The following PDE4D variants were observed in gnomAD, a reference collection of about 807,000 sequenced individuals.
PDE4D encodes 3',5'-cyclic-AMP phosphodiesterase 4D.
PDE4D carries 24 observed loss-of-function variants against 87.4 expected under a neutral mutation model. The observed-to-expected ratio is 0.27, with a 90% CI of 0.20 to 0.39. The LOEUF (loss-of-function observed/expected upper bound fraction) is 0.39, where lower values mean the gene tolerates loss of function less well. Ranked by LOEUF, PDE4D falls within the 10% of genes least tolerant of loss-of-function variation. The pLI is 1.00. For synonymous variants in PDE4D, 384 were observed against 383.2 expected, an observed-to-expected ratio of 1.00 and a Z score of -0.02; for missense variants, 714 against 1,041.0, an observed-to-expected ratio of 0.69 and a Z score of 4.32.
At chr5:59,437,862 A>C (rs1797010430) in intron 1 of PDE4D, among the ~76,000 whole-genome samples, 1 of 152,196 alleles carries the variant, frequency 6.6e-6, no homozygotes, top group African/African-American at 2.4e-5. Flanking sequence ...GAGACTGGGT[A>C]ATTTATAAAG....
intron 1 of PDE4D, among the ~76,000 whole-genome samples, chr5:59,648,876 G>T (rs576597644): frequency 6.6e-6 from 1 of 152,280 alleles, no homozygotes; most frequent in African/African-American, 2.4e-5. Context: ...TCATTACAAA[G>T]AATATTTTTC....
chr5:59,233,027 A>G (rs920039302), intron 1 of PDE4D, among the ~76,000 whole-genome samples: 1 of 152,112 alleles, frequency 6.6e-6, no homozygotes, highest in African/African-American at 2.4e-5. Flanking sequence ...AGCTACCAGG[A>G]GGAGGGGAAT....
At chr5:60,152,424 C>T (rs111410858) in intron 2 of PDE4D, among the ~76,000 whole-genome samples, 21 of 152,080 alleles carry the variant, frequency 1.4e-4, no homozygotes, top group Middle Eastern at 6.8e-3. Context: ...GAGGCTGAAG[C>T]GGGCAGATCA....
chr5:59,010,360 A>T (rs532029696), intron 6 of PDE4D, among the ~76,000 whole-genome samples: 98 of 152,172 alleles, frequency 6.4e-4, no homozygotes, highest in Non-Finnish European at 2.8e-4. Context: ...TAGGTGATAA[A>T]ATAATAGTCA....
At chr5:60,049,702 C>T (rs903832762) in intron 2 of PDE4D, among the ~76,000 whole-genome samples, 1 of 152,214 alleles carries the variant, frequency 6.6e-6, no homozygotes, top group Non-Finnish European at 1.5e-5. Flanking sequence ...AGGGACCCAT[C>T]TGAGGAGGCA....
chr5:59,848,635 A>G (rs1315420469), intron 1 of PDE4D, among the ~76,000 whole-genome samples: 2 of 152,050 alleles, frequency 1.3e-5, no homozygotes, highest in African/African-American at 4.8e-5. Context: ...ATAACCTATA[A>G]TAACGGTATT....
chr5:59,850,676 C>T (rs982181891), intron 1 of PDE4D, among the ~76,000 whole-genome samples: 2 of 151,860 alleles, frequency 1.3e-5, no homozygotes, highest in African/African-American at 4.8e-5. Flanking sequence ...CAGATTATGT[C>T]CTCAAGTGCC....
chr5:60,307,276 A>G (rs1583368743), intron 1 of PDE4D, among the ~76,000 whole-genome samples: 1 of 152,336 alleles, frequency 6.6e-6, no homozygotes, highest in African/African-American at 2.4e-5. Flanking sequence ...GAGTTATGTC[A>G]TTCTAGATCT....
chr5:60,105,308 G>C (rs965797604), intron 2 of PDE4D, among the ~76,000 whole-genome samples: 3 of 152,126 alleles, frequency 2.0e-5, no homozygotes, highest in Non-Finnish European at 4.4e-5. Flanking sequence ...GGGAAGTTTA[G>C]AGAAAAAAGA....
At chr5:60,361,584 G>C (rs1760073668) in intron 1 of PDE4D, among the ~76,000 whole-genome samples, 1 of 152,156 alleles carries the variant, frequency 6.6e-6, no homozygotes, top group Non-Finnish European at 1.5e-5. Context: ...GATGGTTTTG[G>C]TGGGGCCAGG....
intron 1 of PDE4D, among the ~76,000 whole-genome samples, chr5:60,402,711 C>G (rs1741197397): frequency 6.6e-6 from 1 of 152,176 alleles, no homozygotes; most frequent in African/African-American, 2.4e-5. Context: ...TCCAGGTGAT[C>G]TTATGTTGAT....
At position 60,151,687 on chromosome 5, in the gene PDE4D, A is replaced by G. The variant is rs577244623; in HGVS notation, c.42+33870T>C. Among the ~76,000 whole-genome samples, 3 of 152,320 alleles carry G rather than the reference A, an allele frequency of 2.0e-5. No individual in the cohort carries two copies. In the South Asian group the frequency reaches 6.2e-4, roughly 32 times the overall value. On this transcript the variant is annotated intron_variant, in intron 2 of 16. Coordinates refer to the PDE4D transcript ENST00000502484. ...ACATATAAGATCATGTAATCTGCCA[A>G]GAGAAATAGTTTTACTTCTTTCTTT...
intron 1 of PDE4D, among the ~76,000 whole-genome samples, chr5:60,306,481 A>G (rs559306430): frequency 6.6e-6 from 1 of 152,214 alleles, no homozygotes; most frequent in African/African-American, 2.4e-5. Context: ...CGAATCAATA[A>G]AAAACAAAAC....
intron 2 of PDE4D, among the ~76,000 whole-genome samples, chr5:60,154,452 T>C (rs1781788438): frequency 6.6e-6 from 1 of 152,084 alleles, no homozygotes; most frequent in African/African-American, 2.4e-5. Context: ...AATTTTGTAT[T>C]TTTAGTAGAG....
intron 1 of PDE4D, among the ~76,000 whole-genome samples, chr5:59,334,246 A>AT: frequency 1.0e-5 from 1 of 98,780 alleles, no homozygotes. Flanking sequence ...GATCCAGTGG[A>AT]GTTTTTTTTT....
chr5:59,251,779 A>G (rs1295246718), intron 1 of PDE4D, among the ~76,000 whole-genome samples: 1 of 152,174 alleles, frequency 6.6e-6, no homozygotes, highest in Non-Finnish European at 1.5e-5. Context: ...ATCAACCTAG[A>G]TACCCATCAG....
chr5:60,133,847 A>G, intron 2 of PDE4D, among the ~76,000 whole-genome samples: 1 of 152,206 alleles, frequency 6.6e-6, no homozygotes, highest in Non-Finnish European at 1.5e-5. Context: ...TTTAACCTGG[A>G]GTCCACAAAG....
chr5:60,265,503 T>C (rs76746758), intron 1 of PDE4D, among the ~76,000 whole-genome samples: 2,133 of 152,280 alleles, frequency 0.014, 69 homozygotes, highest in East Asian at 0.13. Context: ...TCAGGCTGTC[T>C]GATGAGCTCT....
chr5:59,022,210 T>C (rs1479462490), intron 6 of PDE4D, among the ~76,000 whole-genome samples: 1 of 152,084 alleles, frequency 6.6e-6, no homozygotes, highest in African/African-American at 2.4e-5. Context: ...TTCAAGGTTC[T>C]CCTAAAGGTT....
Sources: allele counts gnomAD v4.1 joint callset (sites outside exome capture counted in the v4.1 genomes callset), GRCh38; gene constraint gnomAD v4.1.1; transcripts MANE v1.5; gene names NCBI Gene and HGNC (gene_info 2026-07-23, HGNC 2026-07-21).